SRGAP2: variants seen among roughly 807,000 people sequenced by gnomAD.
SRGAP2 encodes SLIT-ROBO Rho GTPase activating protein 2, also known as SLIT-ROBO Rho GTPase-activating protein 2.
Under a neutral mutation model 57.2 loss-of-function variants are expected in SRGAP2, and 15 were observed. The observed-to-expected ratio is 0.26, with a 90% CI of 0.18 to 0.40. The LOEUF is 0.40. Ranked by LOEUF, SRGAP2 falls within the 10% of genes least tolerant of loss-of-function variation. The pLI, the probability that SRGAP2 is intolerant of heterozygous loss-of-function variation, is 1.00. For synonymous variants in SRGAP2, 249 were observed against 248.0 expected (o/e 1.00, Z -0.04); for missense variants, 520 against 669.6 (o/e 0.78, Z 2.47).
intron 2 of SRGAP2, among the ~76,000 whole-genome samples, chr1:206,210,021 C>G: frequency 7.2e-6 from 1 of 139,294 alleles, no homozygotes; most frequent in East Asian, 2.1e-4. Context: ...ATGGGGAGGG[C>G]TGATGTACAT....
chr1:206,326,852 ATAAAT>A (rs1383402361), intron 3 of SRGAP2, among the ~76,000 whole-genome samples: 1 of 152,250 alleles, frequency 6.6e-6, no homozygotes, highest in East Asian at 1.9e-4. Flanking sequence ...GAATCAGATG[ATAAAT>A]TAATAGCAAC....
intron 2 of SRGAP2, among the ~76,000 whole-genome samples, chr1:206,217,351 C>T (rs1390199865): frequency 1.3e-5 from 2 of 150,560 alleles, no homozygotes; most frequent in African/African-American, 4.9e-5. Context: ...ACGCGTTGAG[C>T]TACAGGATTC....
chr1:206,251,713 T>A (rs1668843145), intron 2 of SRGAP2, among the ~76,000 whole-genome samples: 1 of 92,716 alleles, frequency 1.1e-5, no homozygotes, highest in African/African-American at 5.4e-5. Context: ...TTTTTTTTTT[T>A]TTTTTTTTTG....
At chr1:206,332,397 A>T (rs1337452690) in intron 3 of SRGAP2, among the ~76,000 whole-genome samples, 1 of 145,978 alleles carries the variant, frequency 6.9e-6, no homozygotes, top group Admixed American at 6.8e-5. Context: ...AATATCCTGC[A>T]GAGTGTTTTC....
In SRGAP2 at chr1:206,454,454, C is replaced by T. The variant is rs1553377563; in HGVS notation, c.2361-424C>T. The T allele has an allele frequency of 2.7e-5, 13 of 482,714 alleles. No individual in the cohort carries two copies. Among genetic ancestry groups the T allele is most frequent in the Non-Finnish European group, 4.0e-5 (11 of 272,024 alleles). 29.9% of individuals were successfully genotyped at this position (482,714 alleles called of 1,614,324 possible). ...TGGCGGTGTCCTGCCACGACGCCGC[C>T]GTCTCCAGAGCCACCACACAGTTGA... On this transcript the variant is annotated intron_variant, in intron 20 of 22. Coordinates refer to ENST00000573034, the MANE Select transcript of SRGAP2 (RefSeq NM_015326.5). This position sits in a 1 kb window ranked among gnomAD's most constrained non-coding sequence, Gnocchi z 4.3.
intron 2 of SRGAP2, among the ~76,000 whole-genome samples, chr1:206,278,773 G>A (rs1296677068): frequency 9.6e-4 from 143 of 149,644 alleles, no homozygotes; most frequent in African/African-American, 3.6e-3. Context: ...CGTGGATATT[G>A]GGGGAAGGGC....
At chr1:206,367,209 T>C (rs2103010949) in intron 4 of SRGAP2, among the ~76,000 whole-genome samples, 1 of 152,370 alleles carries the variant, frequency 6.6e-6, no homozygotes, top group East Asian at 1.9e-4. Context: ...AGTATATATC[T>C]GATGAATTTA....
At chr1:206,218,026 C>T (rs1348469968) in intron 2 of SRGAP2, among the ~76,000 whole-genome samples, 1 of 152,068 alleles carries the variant, frequency 6.6e-6, no homozygotes, top group South Asian at 2.1e-4. Context: ...CGTTGAAGAT[C>T]GGCCTGGCTG....
intron 3 of SRGAP2, among the ~76,000 whole-genome samples, chr1:206,321,056 G>T (rs1673424787): frequency 7.0e-6 from 1 of 143,790 alleles, no homozygotes; most frequent in Non-Finnish European, 1.5e-5. Context: ...GCCTTTTTTG[G>T]CAAACGAAAG....
At chr1:206,452,743 G>A (rs1395045572) in intron 19 of SRGAP2, among the ~76,000 whole-genome samples, 4 of 151,950 alleles carry the variant, frequency 2.6e-5, no homozygotes, top group Non-Finnish European at 5.9e-5. Context: ...AAAATTAGCT[G>A]GGCGTGGTGG....
chr1:206,354,052 A>G (rs1359726715), intron 4 of SRGAP2, among the ~76,000 whole-genome samples: 1 of 152,056 alleles, frequency 6.6e-6, no homozygotes, highest in Non-Finnish European at 1.5e-5. Context: ...CAGCCTCCCA[A>G]TTATTGTATG....
intron 3 of SRGAP2, among the ~76,000 whole-genome samples, chr1:206,341,086 A>G (rs1675152202): frequency 6.6e-6 from 1 of 152,230 alleles, no homozygotes; most frequent in African/African-American, 2.4e-5. Context: ...TTAGACAGAT[A>G]TTTGATTTGT....
At chr1:206,459,658 T>TA (rs1253097161) in intron 22 of SRGAP2, among the ~76,000 whole-genome samples, 2 of 152,182 alleles carry the variant, frequency 1.3e-5, no homozygotes, top group African/African-American at 2.4e-5. Context: ...CTCTCCCAAC[T>TA]ATATAATTTT....
chr1:206,360,723 T>C (rs1179071153), intron 4 of SRGAP2, among the ~76,000 whole-genome samples: 2 of 151,972 alleles, frequency 1.3e-5, no homozygotes, highest in Admixed American at 1.3e-4. Context: ...TTGCCATTTA[T>C]TGAGGGAAGT....
At chr1:206,434,465 G>C (rs1345162619) in intron 14 of SRGAP2, among the ~76,000 whole-genome samples, 1 of 152,198 alleles carries the variant, frequency 6.6e-6, no homozygotes, top group Non-Finnish European at 1.5e-5. Context: ...CTTAGTCCAA[G>C]TCTGATGAGT....
intron 2 of SRGAP2, among the ~76,000 whole-genome samples, chr1:206,226,847 G>A (rs1339829631): frequency 1.3e-5 from 2 of 152,070 alleles, no homozygotes; most frequent in African/African-American, 4.8e-5. Context: ...CCCAAGTTCA[G>A]GTTGCCCTTA....
intron 14 of SRGAP2, among the ~76,000 whole-genome samples, chr1:206,435,913 G>A (rs758517744): frequency 4.6e-5 from 7 of 152,064 alleles, no homozygotes; most frequent in Non-Finnish European, 1.0e-4. Flanking sequence ...CATTATCGTA[G>A]TATAACATTC....
rs530447211 is a variant in SRGAP2 at position 206,313,876 on chromosome 1, A to G, written c.260+10403A>G. Among the ~76,000 whole-genome samples the G allele has an allele frequency of 1.4e-3, 214 of 151,588 alleles. 1 individual carries two copies. Among genetic ancestry groups the G allele is most frequent in the African/African-American group, 4.9e-3 (200 of 41,014 alleles). Reference sequence around the variant, plus strand: ...TATATCTTCTTACCATGTGCCAGACACATGCCAGATACCCACCCCTGTACT... The same window carrying G: ...TATATCTTCTTACCATGTGCCAGACGCATGCCAGATACCCACCCCTGTACT... On this transcript the variant is annotated intron_variant, in intron 3 of 22. Coordinates refer to ENST00000573034, the MANE Select transcript of SRGAP2 (RefSeq NM_015326.5).
intron 2 of SRGAP2, among the ~76,000 whole-genome samples, chr1:206,289,286 T>A (rs1671179156): frequency 6.9e-6 from 1 of 145,924 alleles, no homozygotes; most frequent in African/African-American, 2.6e-5. Context: ...TTTTTTTTTT[T>A]TTTTGAGACG....
Sources: allele counts gnomAD v4.1 joint callset (sites outside exome capture counted in the v4.1 genomes callset), GRCh38; gene constraint gnomAD v4.1.1; non-coding constraint Gnocchi (gnomAD v3.1); transcripts MANE v1.5; gene names NCBI Gene and HGNC (gene_info 2026-07-23, HGNC 2026-07-21).